GAB4: variants seen among roughly 807,000 people sequenced by gnomAD.
The protein encoded by GAB4 is GRB2-associated-binding protein 4.
A neutral mutation model predicts 51.3 loss-of-function variants in GAB4; 26 were observed. The ratio of observed to expected loss-of-function variants is 0.51; its 90% CI spans 0.37 to 0.70. The LOEUF is 0.70. Ranked by LOEUF, GAB4 falls within the 30% of genes least tolerant of loss-of-function variation. GAB4 has a pLI of 0.00. For missense variants in GAB4, 759 were observed against 734.6 expected (o/e 1.03, Z -0.38); for synonymous variants, 329 against 291.2 (o/e 1.13, Z -1.32).
intron 3 of GAB4, among the ~76,000 whole-genome samples, chr22:16,982,523 G>A (rs1003765983): frequency 2.0e-5 from 3 of 152,110 alleles, no homozygotes; most frequent in African/African-American, 7.2e-5. Flanking sequence ...AAAAGGACAT[G>A]AAAATGGAAC....
At chr22:16,964,944 G>T in intron 7 of GAB4, 82 bp from the exon 8 acceptor site, 2 of 1,050,266 alleles carry the variant, frequency 1.9e-6, no homozygotes, top group South Asian at 1.4e-5. Flanking sequence ...GCTGGGCCCT[G>T]ACTTCAAGCA....
At position 16,965,254 on chromosome 22, in the gene GAB4, G is replaced by A; in HGVS notation, c.1303C>T (p.Pro435Ser). Reference protein sequence around the residue: ...KPNQKANPTPPNLRNNRVINE... With the variant: ...KPNQKANPTPSNLRNNRVINE... Reference sequence around the variant, plus strand: ...ATGACCCTGTTGTTTCTCAGGTTGGGCGGTGTTGGGTTGGCTGGAGCAGGA... The same window carrying A: ...ATGACCCTGTTGTTTCTCAGGTTGGACGGTGTTGGGTTGGCTGGAGCAGGA... The change falls in exon 7 of 10, where the codon CCC becomes TCC. Residue 435 changes from proline to serine, a missense_variant. This residue lies in a region of GAB4 where 588 missense variants were observed against 510.2 expected (regional missense o/e 1.15). Coordinates refer to ENST00000400588, the MANE Select transcript of GAB4 (RefSeq NM_001037814.1). The A allele has an allele frequency of 1.2e-6, 2 of 1,613,988 alleles. No individual in the cohort carries two copies. Among genetic ancestry groups the A allele is most frequent in the East Asian group, 2.2e-5 (1 of 44,876 alleles).
intron 2 of GAB4, among the ~76,000 whole-genome samples, chr22:16,991,652 G>A (rs2060914802): frequency 6.6e-6 from 1 of 152,228 alleles, no homozygotes; most frequent in African/African-American, 2.4e-5. Flanking sequence ...TGGCTGAGAG[G>A]TGACAGGGCA....
At chr22:16,974,186 TATG>T (rs756993795) in intron 3 of GAB4, among the ~76,000 whole-genome samples, 1 of 152,226 alleles carries the variant, frequency 6.6e-6, no homozygotes, top group Non-Finnish European at 1.5e-5. Flanking sequence ...CCAATGTTAC[TATG>T]ATGTCCTGCA....
Position 16,965,264 on chromosome 22 carries a change from G to A in GAB4, c.1293C>T (p.Asn431=). The A allele has an allele frequency of 6.2e-7, 1 of 1,613,632 alleles. No homozygotes were observed. Among genetic ancestry groups the A allele is most frequent in the Admixed American group, 1.7e-5 (1 of 60,002 alleles). ...NRSLKPNQKA[N]PTPPNLRNNR... ...TGTTTCTCAGGTTGGGCGGTGTTGGGTTGGCTGGAGCAGGAAAAGAACCTT... is the reference window on the plus strand; with the variant it reads ...TGTTTCTCAGGTTGGGCGGTGTTGGATTGGCTGGAGCAGGAAAAGAACCTT... Residue 431 remains asparagine (N), a synonymous_variant, in exon 7 of 10, where the codon AAC becomes AAT. Coordinates refer to ENST00000400588, the MANE Select transcript of GAB4 (RefSeq NM_001037814.1).
chr22:16,966,599 G>A (rs952653594), intron 5 of GAB4: 4 of 537,554 alleles, frequency 7.4e-6, no homozygotes, highest in African/African-American at 1.9e-5. Context: ...AGACTTTGGA[G>A]CAGCTTCCAT....
Position 16,991,872 on chromosome 22 carries a change from C to A in GAB4, c.478+1G>T, listed in dbSNP as rs771625843. The A allele has an allele frequency of 6.2e-7, 1 of 1,610,406 alleles. No individual in the cohort carries two copies. The highest frequency in any genetic ancestry group is 1.1e-5 in the South Asian group (1 of 90,498). On this transcript the variant is annotated splice_donor_variant, in intron 2 of 9. Transcript: ENST00000400588. LOFTEE classifies it high-confidence loss of function. The stretch of plus-strand genomic sequence containing the variant: ...AGACAGGGCTGTGTGTGCTCCCATA[C>A]CTGTGCTTTCCTCCTGCCTGAAGCC...
chr22:16,999,206 G>A (rs5748791), intron 1 of GAB4, among the ~76,000 whole-genome samples: 2 of 152,220 alleles, frequency 1.3e-5, no homozygotes, highest in African/African-American at 4.8e-5. Context: ...AATAGTTTCA[G>A]AAGGAATGGT....
At chr22:16,987,245 C>G (rs1410066087) in intron 3 of GAB4, among the ~76,000 whole-genome samples, 1 of 152,232 alleles carries the variant, frequency 6.6e-6, no homozygotes, top group African/African-American at 2.4e-5. Flanking sequence ...TGAGCACCAG[C>G]TCTGGCCAAG....
intron 1 of GAB4, among the ~76,000 whole-genome samples, chr22:16,999,543 T>C (rs1247203384): frequency 6.6e-6 from 1 of 152,232 alleles, no homozygotes; most frequent in Non-Finnish European, 1.5e-5. Context: ...TCTTCTTTAT[T>C]AGTCTTGCTA....
intron 5 of GAB4, among the ~76,000 whole-genome samples, chr22:16,968,026 C>T (rs2060695580): frequency 6.6e-6 from 1 of 152,132 alleles, no homozygotes. Flanking sequence ...CTTAGAGCAC[C>T]CAGAACCCCA....
At chr22:16,974,934 AG>A (rs1157225034) in intron 3 of GAB4, among the ~76,000 whole-genome samples, 1 of 152,156 alleles carries the variant, frequency 6.6e-6, no homozygotes, top group Non-Finnish European at 1.5e-5. Context: ...CCCTTAGCCA[AG>A]GGAAGCCGAG....
intron 3 of GAB4, among the ~76,000 whole-genome samples, chr22:16,985,567 T>C (rs1311470402): frequency 6.6e-6 from 1 of 152,252 alleles, no homozygotes; most frequent in Non-Finnish European, 1.5e-5. Flanking sequence ...AGAAACAATA[T>C]CATCTTTCAG....
rs1361670759 is a variant in GAB4 at position 16,962,555 on chromosome 22, G to C, written c.*178C>G. 2.1e-6 allele frequency: 1 copy of C among 474,314 alleles called. No individual in the cohort carries two copies. Among genetic ancestry groups the C allele is most frequent in the Non-Finnish European group, 3.6e-6 (1 of 276,868 alleles). The allele number at this position is 474,314 out of a possible 1,614,324, so 29.4% of individuals were successfully genotyped here. ...CAACTGCTCCTAGCAAGGGGGTGAA[G>C]GTGGGGACCATGGCCAGCCAAAGGC... On this transcript the variant is annotated 3_prime_UTR_variant, in exon 10 of 10. Coordinates refer to ENST00000400588, the MANE Select transcript of GAB4 (RefSeq NM_001037814.1).
intron 9 of GAB4, among the ~76,000 whole-genome samples, chr22:16,963,236 C>T (rs917714707): frequency 1.3e-5 from 2 of 152,174 alleles, no homozygotes; most frequent in Non-Finnish European, 2.9e-5. Flanking sequence ...TTGGTGAGCC[C>T]TATCTCCCCA....
chr22:16,964,778 C>A lies in GAB4; in HGVS notation c.1464G>T (p.Arg488Ser). ...TNTDSEDSGE[R>S]YLFPNPASAF... ...CCCAAGGACTCACCGGGAAAAGATACCTCTCTCCACTGTCTTCTGAGTCTG... is the reference window on the plus strand; with the variant it reads ...CCCAAGGACTCACCGGGAAAAGATAACTCTCTCCACTGTCTTCTGAGTCTG... Residue 488 changes from arginine (R) to serine (S), a missense_variant, in exon 8 of 10, where the codon AGG becomes AGT. Arg to Ser is a moderately radical substitution (Grantham distance 110). This residue lies in a region of GAB4 where 588 missense variants were observed against 510.2 expected (regional missense o/e 1.15). Transcript: ENST00000400588. 3 of 1,612,808 alleles carry A rather than the reference C, an allele frequency of 1.9e-6. No homozygotes were observed. Among genetic ancestry groups the A allele is most frequent in the Non-Finnish European group, 1.7e-6 (2 of 1,178,900 alleles).
intron 1 of GAB4, among the ~76,000 whole-genome samples, chr22:17,005,440 A>G (rs2061032796): frequency 6.6e-6 from 1 of 152,250 alleles, no homozygotes; most frequent in Admixed American, 6.5e-5. Flanking sequence ...AGTAATTTAC[A>G]GATTCATTGC....
At chr22:16,963,972 C>G in intron 8 of GAB4, 143 bp from the exon 9 acceptor site, 1 of 646,804 alleles carries the variant, frequency 1.5e-6, no homozygotes, top group Non-Finnish European at 2.8e-6. Flanking sequence ...TCATTCAAAC[C>G]CTTTCAGCAG....
chr22:16,983,583 G>GC (rs2060843776), intron 3 of GAB4, among the ~76,000 whole-genome samples: 1 of 152,116 alleles, frequency 6.6e-6, no homozygotes, highest in South Asian at 2.1e-4. Context: ...AAACAGCATG[G>GC]CACTGACTTA....
Sources: gnomAD v4.1 joint callset for allele counts (sites outside exome capture counted in the v4.1 genomes callset) on GRCh38, gnomAD v4.1.1 for gene constraint, gnomAD v4.1.1 regional missense constraint, MANE v1.5 for transcripts, NCBI Gene and HGNC (gene_info 2026-07-23, HGNC 2026-07-21) for gene names.